DAW1: variants seen among roughly 807,000 people sequenced by gnomAD.
DAW1 encodes dynein assembly factor with WD repeat domains 1.
Under a neutral mutation model 56.5 loss-of-function variants are expected in DAW1, and 47 were observed. The observed-to-expected ratio is 0.83, with a 90% CI of 0.66 to 1.06. The LOEUF (loss-of-function observed/expected upper bound fraction) is 1.06. Among genes scored for constraint, DAW1 ranks in the 50% least tolerant of loss-of-function variants. The pLI is 0.00. For synonymous variants in DAW1, 190 were observed against 179.0 expected (o/e 1.06, Z -0.49); for missense variants, 505 against 499.3 (o/e 1.01, Z -0.11).
In DAW1 at chr2:227,917,158, G is replaced by A. The variant is rs2949017; in HGVS notation, c.974-1622G>A. 4.4e-3 allele frequency among the ~76,000 whole-genome samples: 661 copies of A among 149,494 alleles called. 2 individuals carry two copies. The highest frequency in any genetic ancestry group is 9.7e-3 in the African/African-American group (390 of 40,294). ...TATCTATCTATCTGTCTGTCTGTCT[G>A]TCTGTCTGTCTGTCTGTCTGTCTAT... On this transcript the variant is annotated intron_variant, in intron 10 of 12. Coordinates refer to ENST00000309931, the MANE Select transcript of DAW1 (RefSeq NM_178821.3).
intron 5 of DAW1, 30 bp from the exon 6 acceptor site, chr2:227,898,152 T>A (rs551142947): frequency 3.0e-5 from 44 of 1,463,710 alleles, no homozygotes; most frequent in East Asian, 1.9e-4. Flanking sequence ...TGTCTTTTTT[T>A]AAATAATCTA....
chr2:227,876,548 A>G (rs1295043105), intron 1 of DAW1: 1 of 1,268,458 alleles, frequency 7.9e-7, no homozygotes, highest in Non-Finnish European at 1.0e-6. Context: ...CCACTGAATC[A>G]TTCCCGTGCT....
intron 7 of DAW1, 83 bp from the exon 8 acceptor site, chr2:227,904,846 T>A: frequency 7.5e-7 from 1 of 1,330,076 alleles, no homozygotes. Context: ...TTCTCCAGCA[T>A]TTCCTTTTAG....
chr2:227,911,330 A>G lies in DAW1; in HGVS notation c.973+4078A>G, dbSNP rs145591813. Among the ~76,000 whole-genome samples, 495 of 144,412 alleles carry G rather than the reference A, an allele frequency of 3.4e-3. 3 individuals carry two copies. The highest frequency in any genetic ancestry group is 0.026 in the Middle Eastern group (7 of 270). The allele number at this position is 144,412 out of a possible 152,430, so 94.7% of individuals were successfully genotyped here. A position where few individuals can be genotyped will look rare whatever the true frequency, so the allele number is the denominator to read the frequency against. ...TGTATAAGCATATATACATATATACATGTGTATATATACACATGTGTATAT... is the reference window on the plus strand; with the variant it reads ...TGTATAAGCATATATACATATATACGTGTGTATATATACACATGTGTATAT... On this transcript the variant is annotated intron_variant, in intron 10 of 12. Transcript: ENST00000309931.
chr2:227,891,928 G>A (rs1691275187), intron 4 of DAW1, among the ~76,000 whole-genome samples: 1 of 152,122 alleles, frequency 6.6e-6, no homozygotes, highest in African/African-American at 2.4e-5. Context: ...AGTTCCTTCT[G>A]AGGCCTTGGG....
chr2:227,902,817 G>A (rs950708801), intron 6 of DAW1, among the ~76,000 whole-genome samples, 185 bp from the exon 7 acceptor site: 1 of 152,180 alleles, frequency 6.6e-6, no homozygotes, highest in Non-Finnish European at 1.5e-5. Flanking sequence ...AGAACAAGCA[G>A]CCTCTTTTCA....
In DAW1 at chr2:227,889,935, CTT is replaced by C; in HGVS notation, c.196_197del (p.Leu66AspfsTer20). The C allele has an allele frequency of 1.2e-6, 2 of 1,607,956 alleles. No individual in the cohort carries two copies. The highest frequency in any genetic ancestry group is 1.7e-6 in the Non-Finnish European group (2 of 1,177,826). Reference protein sequence around the residue: ...LTASRTEQVKLLIQRLQEKLG... With the variant: ...LTASRTEQVKXLIQRLQEKLG... ...AGCTTCACGAACAGAGCAAGTCAAA[CTT>C]TTGATACAGAGGTTGCAAGAGAAAC... is the stretch of plus-strand genomic sequence containing the variant. On this transcript the variant is annotated frameshift_variant, in exon 3 of 13. Transcript: ENST00000309931. LOFTEE classifies it high-confidence loss of function.
chr2:227,878,143 A>G (rs1370454634), intron 1 of DAW1, among the ~76,000 whole-genome samples: 1 of 152,220 alleles, frequency 6.6e-6, no homozygotes, highest in Non-Finnish European at 1.5e-5. Flanking sequence ...GCCAAGTGCT[A>G]ATTCTTTCCA....
chr2:227,891,106 G>A (rs1691256502), intron 3 of DAW1, 149 bp from the exon 4 acceptor site: 3 of 635,168 alleles, frequency 4.7e-6, no homozygotes, highest in African/African-American at 1.8e-5. Context: ...TCAATAAGAT[G>A]CCACATAGCA....
intron 6 of DAW1, 54 bp from the exon 7 acceptor site, chr2:227,902,948 T>C (rs1219779457): frequency 5.2e-6 from 8 of 1,547,814 alleles, no homozygotes; most frequent in Non-Finnish European, 7.1e-6. Context: ...CTGTGTATAA[T>C]TAACACTTTG....
At chr2:227,888,476 A>G (rs576968005) in intron 2 of DAW1, among the ~76,000 whole-genome samples, 28 of 152,386 alleles carry the variant, frequency 1.8e-4, no homozygotes, top group Non-Finnish European at 3.7e-4. Flanking sequence ...GGAAGAGCTC[A>G]GGAGCAAAAC....
chr2:227,894,377 T>G (rs1357812818), intron 5 of DAW1, among the ~76,000 whole-genome samples: 1 of 151,896 alleles, frequency 6.6e-6, no homozygotes, highest in Admixed American at 6.6e-5. Flanking sequence ...GATCGCACCA[T>G]TGCACTCCAG....
chr2:227,924,264 A>G lies in DAW1; in HGVS notation c.*296A>G. On this transcript the variant is annotated 3_prime_UTR_variant, in exon 13 of 13. Coordinates refer to ENST00000309931, the MANE Select transcript of DAW1 (RefSeq NM_178821.3). The stretch of plus-strand genomic sequence containing the variant: ...TTATGATACTGAAAAAGGAGACCAG[A>G]ACAACTTAACAACGTGTCTCCTGGA... The G allele has an allele frequency of 2.7e-6, 1 of 375,156 alleles. No individual in the cohort carries two copies. 23.2% of individuals were successfully genotyped at this position (375,156 alleles called of 1,614,324 possible). A position where few individuals can be genotyped will look rare whatever the true frequency, so the allele number is the denominator to read the frequency against.
At chr2:227,891,398 A>G (rs1264828299) in intron 4 of DAW1, 85 bp downstream of exon 4, 13 of 1,161,026 alleles carry the variant, frequency 1.1e-5, no homozygotes, top group Non-Finnish European at 1.5e-5. Context: ...AGATAAGTAC[A>G]TAATATATTC....
Position 227,871,634 on chromosome 2 carries a change from G to C in DAW1, c.-56G>C, listed in dbSNP as rs1690749459. 12 of 1,598,636 alleles carry C rather than the reference G, an allele frequency of 7.5e-6. No individual in the cohort carries two copies. Among genetic ancestry groups the C allele is most frequent in the Non-Finnish European group, 9.4e-6 (11 of 1,172,398 alleles). On this transcript the variant is annotated 5_prime_UTR_variant, in exon 1 of 13. Coordinates refer to ENST00000309931, the MANE Select transcript of DAW1 (RefSeq NM_178821.3). ...GCATGCGCACCCGCGTCCCGCTGCT[G>C]TTTAGCCGTTTCCAAGGCTACGAAG...
chr2:227,908,551 C>G (rs956841652), intron 10 of DAW1, among the ~76,000 whole-genome samples: 1 of 152,188 alleles, frequency 6.6e-6, no homozygotes, highest in African/African-American at 2.4e-5. Flanking sequence ...ATCTCTTTGA[C>G]AAACATATGT....
intron 10 of DAW1, among the ~76,000 whole-genome samples, chr2:227,909,232 T>TTATCTATCTACC (rs1553603367): frequency 4.3e-5 from 6 of 138,882 alleles, no homozygotes; most frequent in African/African-American, 1.6e-4. Flanking sequence ...GGTGGTGATA[T>TTATCTATCTACC]TATCTATCTA....
intron 5 of DAW1, among the ~76,000 whole-genome samples, chr2:227,895,157 C>T (rs184369817): frequency 6.0e-4 from 92 of 152,274 alleles, no homozygotes; most frequent in Non-Finnish European, 8.8e-4. Context: ...TTTAAGTTCT[C>T]ATTCCACTTG....
At chr2:227,905,615 G>A (rs543269205) in intron 8 of DAW1, among the ~76,000 whole-genome samples, 1 of 152,284 alleles carries the variant, frequency 6.6e-6, no homozygotes, top group Non-Finnish European at 1.5e-5. Flanking sequence ...TGAACAACCA[G>A]GGGTGCACTC....
Sources: allele counts gnomAD v4.1 joint callset (sites outside exome capture counted in the v4.1 genomes callset), GRCh38; gene constraint gnomAD v4.1.1; transcripts MANE v1.5; gene names NCBI Gene and HGNC (gene_info 2026-07-23, HGNC 2026-07-21).